The following B3GLCT variants were observed in gnomAD, a reference collection of about 807,000 sequenced individuals.
The protein encoded by B3GLCT is beta 3-glucosyltransferase.
Under a neutral mutation model 63.4 loss-of-function variants are expected in B3GLCT, and 65 were observed. The observed-to-expected ratio is 1.03, with a 90% CI of 0.84 to 1.26. The LOEUF is 1.26. Ranked by LOEUF, B3GLCT falls within the 50% of genes most tolerant of loss-of-function variation. The probability of loss-of-function intolerance (pLI) is 0.00; values close to 1 mark genes in which losing one functional copy is unlikely to be tolerated. For synonymous variants in B3GLCT, 233 were observed against 219.2 expected (o/e 1.06, Z -0.55); for missense variants, 577 against 604.8 (o/e 0.95, Z 0.48).
chr13:31,223,139 C>T (rs1869908973), intron 3 of B3GLCT, 148 bp downstream of exon 3: 1 of 639,866 alleles, frequency 1.6e-6, no homozygotes. Flanking sequence ...CTAACGTTTG[C>T]TCTCCTGAAG....
chr13:31,229,327 A>G lies in B3GLCT; in HGVS notation c.270+33A>G, dbSNP rs775793173. 6.2e-6 allele frequency: 8 copies of G among 1,282,542 alleles called. No individual in the cohort carries two copies. The East Asian group carries it at 9.2e-5, about 15-fold the overall frequency. 79.4% of individuals were successfully genotyped at this position (1,282,542 alleles called of 1,614,324 possible). ...GCGATGGCTGGGGGGTCTGCCAGTTATGTATTTCTTGATTACCTTGATGTT... is the reference window on the plus strand; with the variant it reads ...GCGATGGCTGGGGGGTCTGCCAGTTGTGTATTTCTTGATTACCTTGATGTT... On this transcript the variant is annotated intron_variant, in intron 4 of 14. Transcript: ENST00000343307.
chr13:31,234,586 T>G (rs1309471913), intron 4 of B3GLCT, among the ~76,000 whole-genome samples: 2 of 151,954 alleles, frequency 1.3e-5, no homozygotes, highest in Non-Finnish European at 2.9e-5. Context: ...CACAGGTGTG[T>G]GGGCTGTGAT....
At chr13:31,251,732 C>T (rs942891307) in intron 6 of B3GLCT, among the ~76,000 whole-genome samples, 2 of 152,154 alleles carry the variant, frequency 1.3e-5, no homozygotes, top group Admixed American at 1.3e-4. Context: ...AAGACCAAAT[C>T]TACATTTGAT....
intron 13 of B3GLCT, among the ~76,000 whole-genome samples, chr13:31,318,143 A>T (rs1439923111): frequency 6.6e-6 from 1 of 152,220 alleles, no homozygotes; most frequent in Non-Finnish European, 1.5e-5. Flanking sequence ...AACAGTTAAA[A>T]ATCAGTGTTT....
At chr13:31,279,166 A>T (rs1407854866) in intron 10 of B3GLCT, among the ~76,000 whole-genome samples, 3 of 152,130 alleles carry the variant, frequency 2.0e-5, no homozygotes, top group African/African-American at 7.2e-5. Flanking sequence ...AGCAATGGGG[A>T]TGGCAAGGAA....
chr13:31,316,859 A>G (rs1374357858), intron 12 of B3GLCT, among the ~76,000 whole-genome samples: 1 of 152,208 alleles, frequency 6.6e-6, no homozygotes, highest in East Asian at 1.9e-4. Flanking sequence ...ACTCACGGAT[A>G]GTCTTACTTT....
intron 6 of B3GLCT, among the ~76,000 whole-genome samples, chr13:31,254,485 A>G (rs904766887): frequency 5.3e-5 from 8 of 152,332 alleles, no homozygotes; most frequent in Non-Finnish European, 1.2e-4. Flanking sequence ...AAAACTCTCA[A>G]TAAACTTGGC....
At chr13:31,246,897 G>A in intron 4 of B3GLCT, 126 bp from the exon 5 acceptor site, 3 of 725,392 alleles carry the variant, frequency 4.1e-6, no homozygotes, top group Non-Finnish European at 4.6e-6. Flanking sequence ...TCTAGAAACA[G>A]CTGCATTTTA....
chr13:31,236,784 C>A (rs1356302625), intron 4 of B3GLCT, among the ~76,000 whole-genome samples: 1 of 152,046 alleles, frequency 6.6e-6, no homozygotes, highest in Non-Finnish European at 1.5e-5. Flanking sequence ...TTTTTTATGC[C>A]ACATGTATGA....
At position 31,209,354 on chromosome 13, in the gene B3GLCT, C is replaced by G. The variant is rs187815994; in HGVS notation, c.71-5697C>G. Among the ~76,000 whole-genome samples, 6 of 152,308 alleles carry G rather than the reference C, an allele frequency of 3.9e-5. No individual in the cohort carries two copies. In the East Asian group the frequency reaches 1.2e-3, roughly 29 times the overall value. On this transcript the variant is annotated intron_variant, in intron 1 of 14. Coordinates refer to ENST00000343307, the MANE Select transcript of B3GLCT (RefSeq NM_194318.4). ...AGTAAGTTGGCTATGCGCCATGCATCCTGGAGCTTAAGGCCCCCTGGAGGA... is the reference window on the plus strand; with the variant it reads ...AGTAAGTTGGCTATGCGCCATGCATGCTGGAGCTTAAGGCCCCCTGGAGGA...
rs1875914212 is a variant in B3GLCT, at chr13:31,331,389, C to T, written c.*1721C>T. On this transcript the variant is annotated 3_prime_UTR_variant, in exon 15 of 15. Transcript: ENST00000343307. ...TCCGTATATGAAGATCCTTGTCAAG[C>T]TTTCTTCTGTGGTCTGATTAGTGCC... is the stretch of plus-strand genomic sequence containing the variant. 1 of 117,660 alleles carries T rather than the reference C, an allele frequency of 8.5e-6. No individual in the cohort carries two copies. Among genetic ancestry groups the T allele is most frequent in the African/African-American group, 2.8e-5 (1 of 35,962 alleles). The allele number at this position is 117,660 out of a possible 1,614,324, so 7.3% of individuals were successfully genotyped here. A position where few individuals can be genotyped will look rare whatever the true frequency, so the allele number is the denominator to read the frequency against.
intron 14 of B3GLCT, 129 bp from the exon 15 acceptor site, chr13:31,329,372 T>A: frequency 9.6e-7 from 1 of 1,042,802 alleles, no homozygotes; most frequent in East Asian, 2.4e-5. Context: ...GTTTCCTTTT[T>A]GCTTTTAGAT....
chr13:31,235,230 G>A (rs992865833), intron 4 of B3GLCT, among the ~76,000 whole-genome samples: 3 of 152,160 alleles, frequency 2.0e-5, no homozygotes, highest in African/African-American at 7.2e-5. Context: ...GGTTTAGAGG[G>A]TGATGATGAC....
chr13:31,212,021 T>C (rs983194341), intron 1 of B3GLCT, among the ~76,000 whole-genome samples: 1 of 152,228 alleles, frequency 6.6e-6, no homozygotes, highest in African/African-American at 2.4e-5. Context: ...AAAGTTATCT[T>C]ATTTGATTAA....
chr13:31,235,806 A>G (rs1429766421), intron 4 of B3GLCT, among the ~76,000 whole-genome samples: 1 of 152,192 alleles, frequency 6.6e-6, no homozygotes, highest in Non-Finnish European at 1.5e-5. Flanking sequence ...ATCTGTATGC[A>G]TTGAACAACT....
intron 12 of B3GLCT, among the ~76,000 whole-genome samples, chr13:31,311,898 A>G (rs1169711582): frequency 1.3e-5 from 2 of 152,382 alleles, no homozygotes; most frequent in African/African-American, 2.4e-5. Flanking sequence ...TACTTAATAT[A>G]TAATTTTATA....
chr13:31,256,774 C>T (rs761026298), intron 6 of B3GLCT, among the ~76,000 whole-genome samples: 11 of 151,926 alleles, frequency 7.2e-5, no homozygotes, highest in East Asian at 1.9e-4. Flanking sequence ...GCCTTGTGGG[C>T]GGTGGGGGGC....
intron 1 of B3GLCT, among the ~76,000 whole-genome samples, chr13:31,207,746 G>A (rs1407479010): frequency 6.6e-6 from 1 of 152,152 alleles, no homozygotes; most frequent in Admixed American, 6.5e-5. Flanking sequence ...TCGATAGTAG[G>A]CTCAAAGCAG....
chr13:31,223,588 G>T (rs1221915873), intron 3 of B3GLCT, among the ~76,000 whole-genome samples: 1 of 152,164 alleles, frequency 6.6e-6, no homozygotes, highest in African/African-American at 2.4e-5. Context: ...GCCATAGTTT[G>T]TAAGTATCTT....
Sources: gnomAD v4.1 joint callset for allele counts (sites outside exome capture counted in the v4.1 genomes callset) on GRCh38, gnomAD v4.1.1 for gene constraint, MANE v1.5 for transcripts, NCBI Gene and HGNC (gene_info 2026-07-23, HGNC 2026-07-21) for gene names.